Variants in ACCSL observed in about 807,000 individuals in gnomAD.
The protein encoded by ACCSL is 1-aminocyclopropane-1-carboxylate synthase homolog (inactive) like.
In ACCSL, 55 loss-of-function variants were observed where a neutral mutation model predicts 61.7. That is an observed-to-expected ratio of 0.89 (90% CI 0.72 to 1.12). ACCSL has a LOEUF of 1.12. ACCSL is among the 50% of genes most tolerant of loss of function. The pLI, the probability that ACCSL is intolerant of heterozygous loss-of-function variation, is 0.00. For synonymous variants in ACCSL, 258 were observed against 264.3 expected (o/e 0.98, Z 0.23); for missense variants, 632 against 698.0 (o/e 0.91, Z 1.07).
chr11:44,019,000 C>T, the ACCSL span, among the ~76,000 whole-genome samples: 2 of 152,174 alleles, frequency 1.3e-5, no homozygotes, highest in African/African-American at 4.8e-5. Context: ...AATTCATTTT[C>T]TGTCTGTATG....
the ACCSL span, among the ~76,000 whole-genome samples, chr11:43,947,609 G>A: frequency 6.6e-6 from 1 of 152,312 alleles, no homozygotes; most frequent in South Asian, 2.1e-4. Context: ...GGAAAACTCA[G>A]TGACAGAGAG....
the ACCSL span, among the ~76,000 whole-genome samples, chr11:43,961,701 T>TTCTCTC: frequency 4.4e-4 from 66 of 151,138 alleles, no homozygotes; most frequent in African/African-American, 8.5e-4. Context: ...TATTGTTTTG[T>TTCTCTC]TCTCTCTCTC....
chr11:44,053,674 C>A (rs1021340931), intron 8 of ACCSL, among the ~76,000 whole-genome samples, 168 bp downstream of exon 8: 1 of 152,070 alleles, frequency 6.6e-6, no homozygotes, highest in African/African-American at 2.4e-5. Flanking sequence ...CCAGCATGGC[C>A]AACAGGGTGA....
chr11:43,966,793 C>T, the ACCSL span, among the ~76,000 whole-genome samples: 1 of 151,960 alleles, frequency 6.6e-6, no homozygotes, highest in Non-Finnish European at 1.5e-5. Context: ...TATTAGGAGG[C>T]TTGGATTTGA....
chr11:43,997,375 A>T, the ACCSL span, among the ~76,000 whole-genome samples: 3 of 152,158 alleles, frequency 2.0e-5, no homozygotes, highest in East Asian at 5.8e-4. Flanking sequence ...CTGCCTCGCG[A>T]TCCTCTGGGG....
At chr11:44,056,762 G>T (rs1490429061) in intron 11 of ACCSL, among the ~76,000 whole-genome samples, 1 of 152,184 alleles carries the variant, frequency 6.6e-6, no homozygotes, top group Non-Finnish European at 1.5e-5. Context: ...AACCCAGGAG[G>T]CAGAGATTGC....
At chr11:44,050,889 T>C (rs1288679183) in intron 3 of ACCSL, among the ~76,000 whole-genome samples, 2 of 148,370 alleles carry the variant, frequency 1.3e-5, no homozygotes, top group Non-Finnish European at 3.0e-5. Flanking sequence ...TCACCCAGAC[T>C]GGAGTGCAGT....
At chr11:43,972,396 C>CAGAGCGTA in the ACCSL span, among the ~76,000 whole-genome samples, 211 of 152,300 alleles carry the variant, frequency 1.4e-3, no homozygotes, top group African/African-American at 4.9e-3. Context: ...AAAGGGGACT[C>CAGAGCGTA]AGAGCGTAAA....
chr11:43,932,607 C>T, the ACCSL span, among the ~76,000 whole-genome samples: 2 of 152,160 alleles, frequency 1.3e-5, no homozygotes, highest in Admixed American at 6.6e-5. Flanking sequence ...ACCAAAGTAT[C>T]GGAGCAGGCA....
chr11:43,934,024 C>T, the ACCSL span, among the ~76,000 whole-genome samples: 12 of 151,948 alleles, frequency 7.9e-5, no homozygotes, highest in Non-Finnish European at 1.3e-4. Flanking sequence ...ACTGATGGAC[C>T]GATGAGGGGG....
At chr11:44,045,630 C>T (rs1024488618), upstream of ACCSL, among the ~76,000 whole-genome samples, 50 of 152,310 alleles carry the variant, frequency 3.3e-4, 1 homozygote, top group Admixed American at 1.8e-3. Context: ...GCTTCCCTGC[C>T]GCATCCTGGT....
chr11:43,982,147 G>A, the ACCSL span, among the ~76,000 whole-genome samples: 1 of 151,766 alleles, frequency 6.6e-6, no homozygotes, highest in Non-Finnish European at 1.5e-5. Flanking sequence ...CGGCTCAGCT[G>A]GCTCATCCTG....
chr11:43,973,178 C>A, the ACCSL span, among the ~76,000 whole-genome samples: 2 of 152,142 alleles, frequency 1.3e-5, no homozygotes, highest in South Asian at 2.1e-4. Flanking sequence ...GGAAAGACTA[C>A]ATAACATGAC....
At chr11:43,980,911 C>T in the ACCSL span, among the ~76,000 whole-genome samples, 1 of 145,556 alleles carries the variant, frequency 6.9e-6, no homozygotes, top group Non-Finnish European at 1.6e-5. Context: ...CGTACGTCAC[C>T]TGGATAGTAG....
chr11:43,960,611 C>T, the ACCSL span, among the ~76,000 whole-genome samples: 1 of 152,154 alleles, frequency 6.6e-6, no homozygotes, highest in Admixed American at 6.5e-5. Flanking sequence ...TCTCGAACTC[C>T]TGACCTCAAG....
At chr11:43,953,086 G>A in the ACCSL span, among the ~76,000 whole-genome samples, 4 of 152,178 alleles carry the variant, frequency 2.6e-5, no homozygotes, top group African/African-American at 7.2e-5. Flanking sequence ...GAACCAGAGC[G>A]ACTCCATCTT....
upstream of ACCSL, among the ~76,000 whole-genome samples, chr11:44,043,724 C>T (rs1952585950): frequency 6.6e-6 from 1 of 152,156 alleles, no homozygotes; most frequent in Non-Finnish European, 1.5e-5. Flanking sequence ...CTTACTTTCT[C>T]TTGTCTTCAT....
the ACCSL span, among the ~76,000 whole-genome samples, chr11:43,984,498 G>A: frequency 6.6e-6 from 1 of 152,186 alleles, no homozygotes; most frequent in Non-Finnish European, 1.5e-5. Flanking sequence ...GGGAGTGCAG[G>A]TTATCCTCTG....
the ACCSL span, among the ~76,000 whole-genome samples, chr11:44,011,438 T>G: frequency 9.9e-3 from 1,511 of 152,334 alleles, 16 homozygotes; most frequent in Non-Finnish European, 0.016. Flanking sequence ...TCCCCTGCAC[T>G]TAGCACAAAG....
Sources: allele counts gnomAD v4.1 joint callset (sites outside exome capture counted in the v4.1 genomes callset), GRCh38; gene constraint gnomAD v4.1.1; transcripts MANE v1.5; gene names NCBI Gene and HGNC (gene_info 2026-07-23, HGNC 2026-07-21).